Variants in ZC4H2 observed in about 807,000 individuals in gnomAD.
ZC4H2 encodes the protein zinc finger C4H2-type containing.
For missense variants in ZC4H2, 137 were observed against 173.9 expected, an observed-to-expected ratio of 0.79 and a Z score of 1.19; for synonymous variants, 84 against 66.3, an observed-to-expected ratio of 1.27 and a Z score of -1.30.
intron 1 of ZC4H2, among the ~76,000 whole-genome samples, chrX:65,023,343 T>C (rs1932851095): frequency 8.9e-6 from 1 of 111,757 alleles, no homozygotes; most frequent in Non-Finnish European, 1.9e-5. Context: ...CTGAATACAC[T>C]TTATTTCTTT....
intron 1 of ZC4H2, among the ~76,000 whole-genome samples, chrX:64,945,624 C>G (rs1205428571): frequency 8.9e-6 from 1 of 111,780 alleles, no homozygotes; most frequent in Non-Finnish European, 1.9e-5. Flanking sequence ...GGGAGATCCT[C>G]TGCTCTCTTC....
chrX:64,966,914 T>C (rs1931612624), intron 1 of ZC4H2, among the ~76,000 whole-genome samples: 1 of 111,771 alleles, frequency 8.9e-6, no homozygotes, highest in East Asian at 2.8e-4. Context: ...TGCTGAATTG[T>C]ACACTTGAAA....
intron 1 of ZC4H2, among the ~76,000 whole-genome samples, chrX:64,965,699 G>T (rs757235090): frequency 9.0e-6 from 1 of 110,814 alleles, no homozygotes; most frequent in Non-Finnish European, 1.9e-5. Context: ...ACTTTGGGAA[G>T]CCATGGCGGG....
intron 1 of ZC4H2, among the ~76,000 whole-genome samples, chrX:64,948,341 C>T (rs1021954203): frequency 1.5e-4 from 17 of 110,519 alleles, no homozygotes; most frequent in Non-Finnish European, 2.6e-4. Context: ...CAGTAAATGG[C>T]AATATTGTAG....
chrX:65,013,343 G>A (rs996925400), intron 1 of ZC4H2, among the ~76,000 whole-genome samples: 1 of 111,530 alleles, frequency 9.0e-6, no homozygotes, highest in Non-Finnish European at 1.9e-5. Context: ...CTGCCTTCTA[G>A]TATCCATTTC....
At chrX:64,981,113 G>GA (rs200722608), upstream of ZC4H2, among the ~76,000 whole-genome samples, 32 of 106,529 alleles carry the variant, frequency 3.0e-4, no homozygotes, top group Admixed American at 1.0e-3. Flanking sequence ...CTTAGCCTAT[G>GA]AAAAAAAAAA....
chrX:64,993,813 CT>C (rs1237561608), intron 1 of ZC4H2, among the ~76,000 whole-genome samples: 3 of 112,203 alleles, frequency 2.7e-5, no homozygotes, highest in Admixed American at 9.4e-5. Flanking sequence ...TGTTTGAGCA[CT>C]TATGTGCAAA....
rs755632120 is a variant in ZC4H2, at chrX:64,935,587, C to A, written c.54-13599G>T. Reference sequence around the variant, plus strand: ...CATACAGGAGAGCTCTGGCTGGCATCTGGCAGGTGCCCCTCTGGGAGAAAA... The same window carrying A: ...CATACAGGAGAGCTCTGGCTGGCATATGGCAGGTGCCCCTCTGGGAGAAAA... On this transcript the variant is annotated intron_variant, in intron 1 of 4. Coordinates refer to ENST00000374839, the MANE Select transcript of ZC4H2 (RefSeq NM_018684.4). Among the ~76,000 whole-genome samples, 4 of 112,064 alleles carry A rather than the reference C, an allele frequency of 3.6e-5. No homozygotes were observed. In the Admixed American group the frequency reaches 3.8e-4, roughly 11 times the overall value.
chrX:64,964,848 G>C (rs1051447573), intron 1 of ZC4H2, among the ~76,000 whole-genome samples: 1 of 110,990 alleles, frequency 9.0e-6, no homozygotes. Flanking sequence ...ATAGCACAGA[G>C]GCCAGAAAGG....
intron 1 of ZC4H2, among the ~76,000 whole-genome samples, chrX:64,938,512 T>C (rs1270011711): frequency 1.8e-5 from 2 of 112,006 alleles, no homozygotes; most frequent in Non-Finnish European, 3.8e-5. Flanking sequence ...ATATCCCTGA[T>C]GAACATCGAT....
chrX:65,015,069 T>C (rs1465225752), intron 1 of ZC4H2, among the ~76,000 whole-genome samples: 1 of 111,696 alleles, frequency 9.0e-6, no homozygotes, highest in East Asian at 2.8e-4. Flanking sequence ...ACACAGCATG[T>C]ATCTGTGTGG....
intron 1 of ZC4H2, among the ~76,000 whole-genome samples, chrX:65,013,506 T>G (rs1364275128): frequency 9.0e-6 from 1 of 111,642 alleles, no homozygotes; most frequent in African/African-American, 3.3e-5. Flanking sequence ...TTATTGATTT[T>G]TTTTAGCTTG....
upstream of ZC4H2, chrX:64,976,460 C>A: frequency 6.6e-6 from 7 of 1,058,393 alleles, no homozygotes; most frequent in Non-Finnish European, 9.2e-6. Context: ...TAGCCACCTC[C>A]TCCGGGCTTG....
At chrX:64,974,418 C>T (rs1358164290) in intron 1 of ZC4H2, among the ~76,000 whole-genome samples, 2 of 112,225 alleles carry the variant, frequency 1.8e-5, no homozygotes, top group Non-Finnish European at 3.8e-5. Flanking sequence ...TGGGTGTTAT[C>T]TCAGTATTGG....
chrX:65,027,910 A>T (rs189557289), intron 1 of ZC4H2, among the ~76,000 whole-genome samples: 1 of 112,171 alleles, frequency 8.9e-6, no homozygotes, highest in Admixed American at 9.4e-5. Context: ...AATTGAAGGC[A>T]TACTACAAAG....
At chrX:64,947,642 C>A (rs1164786104) in intron 1 of ZC4H2, among the ~76,000 whole-genome samples, 1 of 112,110 alleles carries the variant, frequency 8.9e-6, no homozygotes, top group East Asian at 2.8e-4. Flanking sequence ...TGAACCACAA[C>A]CTAATTTAAT....
At chrX:64,964,618 G>A (rs1273799300) in intron 1 of ZC4H2, among the ~76,000 whole-genome samples, 1 of 111,400 alleles carries the variant, frequency 9.0e-6, no homozygotes, top group Non-Finnish European at 1.9e-5. Context: ...CACAAGGAAA[G>A]GTAAAATGCT....
chrX:64,967,607 C>T (rs894562766), intron 1 of ZC4H2, among the ~76,000 whole-genome samples: 2 of 111,998 alleles, frequency 1.8e-5, no homozygotes, highest in African/African-American at 3.2e-5. Flanking sequence ...CCACCTGACT[C>T]TATCACAGTG....
chrX:65,003,202 T>A (rs746951083), intron 1 of ZC4H2, among the ~76,000 whole-genome samples: 1 of 107,498 alleles, frequency 9.3e-6, no homozygotes, highest in East Asian at 2.9e-4. Flanking sequence ...AATAACGAAA[T>A]TAAGGCAGAA....
Sources: gnomAD v4.1 joint callset for allele counts (sites outside exome capture counted in the v4.1 genomes callset) on GRCh38, gnomAD v4.1.1 for gene constraint, MANE v1.5 for transcripts, NCBI Gene and HGNC (gene_info 2026-07-23, HGNC 2026-07-21) for gene names.